The following JAK2 variants were observed in gnomAD, a reference collection of about 807,000 sequenced individuals.
JAK2 encodes tyrosine-protein kinase JAK2.
JAK2 carries 86 observed loss-of-function variants against 139.3 expected under a neutral mutation model. That is an observed-to-expected ratio of 0.62 (90% confidence interval 0.52 to 0.74). The LOEUF (loss-of-function observed/expected upper bound fraction) is 0.74, where lower values mean the gene tolerates loss of function less well. JAK2 is among the 30% of genes least tolerant of loss of function. The probability of loss-of-function intolerance (pLI) is 0.00; values close to 1 mark genes in which losing one functional copy is unlikely to be tolerated. For missense variants in JAK2, 1,421 were observed against 1,360.3 expected (o/e 1.04, Z -0.70); for synonymous variants, 490 against 437.7 (o/e 1.12, Z -1.49).
intron 5 of JAK2, among the ~76,000 whole-genome samples, chr9:5,045,155 G>C (rs1816914147): frequency 6.6e-6 from 1 of 152,134 alleles, no homozygotes; most frequent in South Asian, 2.1e-4. Context: ...TTTATGTGCT[G>C]CTAGACTAGT....
intron 2 of JAK2, among the ~76,000 whole-genome samples, chr9:4,989,836 G>C (rs1023211524): frequency 4.6e-5 from 7 of 152,154 alleles, no homozygotes; most frequent in Non-Finnish European, 8.8e-5. Flanking sequence ...AGAGTAGTAA[G>C]AAATTGTGTT....
At chr9:5,037,456 C>G (rs1816138644) in intron 4 of JAK2, among the ~76,000 whole-genome samples, 1 of 152,132 alleles carries the variant, frequency 6.6e-6, no homozygotes, top group Non-Finnish European at 1.5e-5. Flanking sequence ...TGGAACCAAG[C>G]TAGATGTCCA....
At chr9:5,042,085 C>A in intron 4 of JAK2, 1 of 213,360 alleles carries the variant, frequency 4.7e-6, no homozygotes, top group South Asian at 6.6e-5. Flanking sequence ...ATCCCCGGGA[C>A]GAGGGGTCAC....
At chr9:5,111,953 G>T (rs550287142) in intron 22 of JAK2, 42 of 349,246 alleles carry the variant, frequency 1.2e-4, no homozygotes, top group Admixed American at 4.7e-4. Context: ...ATAACTTGTG[G>T]TCCAGCCCCT....
At chr9:5,087,862 CTG>C (rs1383990391) in intron 19 of JAK2, among the ~76,000 whole-genome samples, 1 of 152,090 alleles carries the variant, frequency 6.6e-6, no homozygotes, top group African/African-American at 2.4e-5. Flanking sequence ...AATGACATGA[CTG>C]TATTTAAAAA....
chr9:4,986,386 C>G (rs926859834), intron 2 of JAK2, among the ~76,000 whole-genome samples: 1 of 152,144 alleles, frequency 6.6e-6, no homozygotes, highest in Non-Finnish European at 1.5e-5. Flanking sequence ...GTTAGCTATT[C>G]TTGCTGGGGT....
chr9:5,106,367 G>C (rs1209752267), intron 22 of JAK2, among the ~76,000 whole-genome samples: 1 of 152,192 alleles, frequency 6.6e-6, no homozygotes, highest in Non-Finnish European at 1.5e-5. Context: ...ATGCCAGTTA[G>C]AATGGTGATC....
chr9:5,085,277 G>A, intron 19 of JAK2: 1 of 699,062 alleles, frequency 1.4e-6, no homozygotes, highest in Non-Finnish European at 2.7e-6. Context: ...GCTGATGTTG[G>A]TTTGCCTATG....
intron 22 of JAK2, chr9:5,094,265 A>C (rs988817657): frequency 6.6e-6 from 1 of 152,146 alleles, no homozygotes; most frequent in Non-Finnish European, 1.5e-5. Context: ...TACGACCCTC[A>C]ACGTCTACTG....
At chr9:5,028,965 G>C (rs1822964808) in intron 3 of JAK2, among the ~76,000 whole-genome samples, 1 of 152,192 alleles carries the variant, frequency 6.6e-6, no homozygotes, top group Non-Finnish European at 1.5e-5. Context: ...ATTTACTGCA[G>C]TCGCATTTTT....
chr9:5,126,869 T>C lies in JAK2; in HGVS notation c.*78T>C. The C allele has an allele frequency of 1.3e-6, 1 of 741,578 alleles. No homozygotes were observed. The highest frequency in any genetic ancestry group is 2.2e-6 in the Non-Finnish European group (1 of 446,138). The allele number at this position is 741,578 out of a possible 1,614,324, so 45.9% of individuals were successfully genotyped here. A position where few individuals can be genotyped will look rare whatever the true frequency, so the allele number is the denominator to read the frequency against. ...TATTTCACATTGCTGTGGACTATTA[T>C]TACATATATCATTATTATATAAATC... On this transcript the variant is annotated 3_prime_UTR_variant, in exon 25 of 25. Transcript: ENST00000381652.
At chr9:4,993,937 T>C (rs558341793) in intron 2 of JAK2, among the ~76,000 whole-genome samples, 2 of 152,322 alleles carry the variant, frequency 1.3e-5, no homozygotes, top group South Asian at 4.1e-4. Context: ...CTAAATGGTC[T>C]CAGACTGAGT....
At chr9:5,046,232 C>T (rs1261076063) in intron 5 of JAK2, among the ~76,000 whole-genome samples, 1 of 152,108 alleles carries the variant, frequency 6.6e-6, no homozygotes, top group Non-Finnish European at 1.5e-5. Context: ...GAGATGTCTA[C>T]TGAAGTCCTT....
chr9:4,986,455 G>C (rs2129669976), intron 2 of JAK2, among the ~76,000 whole-genome samples: 1 of 152,260 alleles, frequency 6.6e-6, no homozygotes, highest in East Asian at 1.9e-4. Context: ...TGCTGTGTCG[G>C]TTGAATTTAC....
intron 18 of JAK2, among the ~76,000 whole-genome samples, chr9:5,081,463 G>C (rs929473280): frequency 6.6e-6 from 1 of 152,046 alleles, no homozygotes; most frequent in Non-Finnish European, 1.5e-5. Context: ...ATAAGTATCA[G>C]TATATTACCT....
At chr9:5,100,911 C>T (rs969303248) in intron 22 of JAK2, 1 of 152,232 alleles carries the variant, frequency 6.6e-6, no homozygotes, top group African/African-American at 2.4e-5. Context: ...TAAAATATCA[C>T]TTTACAAGAT....
In JAK2 at chr9:5,118,004, G is replaced by C. The variant is rs113928726; in HGVS notation, c.3060-5000G>C. 1.6e-3 allele frequency among the ~76,000 whole-genome samples: 239 copies of C among 152,230 alleles called. 1 individual carries two copies. The highest frequency in any genetic ancestry group is 5.3e-3 in the African/African-American group (221 of 41,534). ...TAGCTAATTTTTTTCTTTGTAAGTA[G>C]TTATAATGTATTTTCTAAAGTACTG... On this transcript the variant is annotated intron_variant, in intron 22 of 24. Coordinates refer to ENST00000381652, the MANE Select transcript of JAK2 (RefSeq NM_004972.4).
intron 22 of JAK2, chr9:5,111,192 G>T: frequency 1.5e-6 from 1 of 665,134 alleles, no homozygotes. Flanking sequence ...TCACATTCCT[G>T]GGACCGGGAC....
intron 2 of JAK2, among the ~76,000 whole-genome samples, chr9:4,991,840 T>C (rs2890618): frequency 0.11 from 17,488 of 152,072 alleles, 2,359 homozygotes; most frequent in African/African-American, 0.33. Context: ...GAAGAGCTCA[T>C]CCCCTTTGCC....
Sources: allele counts gnomAD v4.1 joint callset (sites outside exome capture counted in the v4.1 genomes callset), GRCh38; gene constraint gnomAD v4.1.1; transcripts MANE v1.5; gene names NCBI Gene and HGNC (gene_info 2026-07-23, HGNC 2026-07-21).